The following DPP8 variants were observed in gnomAD, a reference collection of about 807,000 sequenced individuals.
DPP8 encodes the protein dipeptidyl peptidase 8.
DPP8 carries 31 observed loss-of-function variants against 107.5 expected under a neutral mutation model. The ratio of observed to expected loss-of-function variants is 0.29; its 90% CI spans 0.22 to 0.39. DPP8 has a LOEUF of 0.39. Among genes scored for constraint, DPP8 ranks in the 10% least tolerant of loss-of-function variants. The pLI is 1.00. For missense variants in DPP8, 842 were observed against 1,076.1 expected (o/e 0.78, Z 3.04); for synonymous variants, 381 against 356.6 (o/e 1.07, Z -0.77).
intron 2 of DPP8, 63 bp from the exon 3 acceptor site, chr15:65,507,418 T>C: frequency 1.9e-6 from 2 of 1,033,872 alleles, no homozygotes; most frequent in Non-Finnish European, 3.0e-6. Context: ...ACAGTCACAG[T>C]TGCAAGTACA....
intron 4 of DPP8, among the ~76,000 whole-genome samples, chr15:65,500,149 T>TGGCTC (rs1417695613): frequency 6.6e-6 from 1 of 152,092 alleles, no homozygotes; most frequent in Non-Finnish European, 1.5e-5. Context: ...CTGGGCGCGG[T>TGGCTC]GGCTCATGTC....
chr15:65,489,807 T>A (rs1013666651), intron 6 of DPP8, among the ~76,000 whole-genome samples: 1 of 152,172 alleles, frequency 6.6e-6, no homozygotes, highest in Non-Finnish European at 1.5e-5. Context: ...AACCTCTGTC[T>A]CCTGGGTTCA....
intron 11 of DPP8, among the ~76,000 whole-genome samples, chr15:65,478,371 G>T (rs554620238): frequency 6.6e-6 from 1 of 152,224 alleles, no homozygotes; most frequent in African/African-American, 2.4e-5. Context: ...TGATTTTCCT[G>T]CCTCAGCTTC....
At chr15:65,475,269 G>A (rs1595948674) in intron 11 of DPP8, 8 of 603,148 alleles carry the variant, frequency 1.3e-5, no homozygotes, top group Non-Finnish European at 3.0e-6. Context: ...AGAGAGGCTA[G>A]AGAGACCCAA....
intron 2 of DPP8, among the ~76,000 whole-genome samples, chr15:65,511,776 G>A (rs758327479): frequency 1.3e-5 from 2 of 149,850 alleles, no homozygotes; most frequent in Non-Finnish European, 3.0e-5. Context: ...TCACATAAAC[G>A]AATAAAATTT....
rs1008719377 is a variant in DPP8, at chr15:65,443,574, A to C, written c.*3310T>G. The C allele has an allele frequency of 6.6e-6, 1 of 152,204 alleles. No individual in the cohort carries two copies. Among genetic ancestry groups the C allele is most frequent in the African/African-American group, 2.4e-5 (1 of 41,450 alleles). 9.4% of individuals were successfully genotyped at this position (152,204 alleles called of 1,614,324 possible). The stretch of plus-strand genomic sequence containing the variant: ...ATGCATTGTGACCTAATCCTCTTGT[A>C]TGAGGCTTTGGAAAAGAACCAGGAA... On this transcript the variant is annotated 3_prime_UTR_variant, in exon 20 of 20. Transcript: ENST00000300141.
Position 65,474,268 on chromosome 15 carries a change from T to C in DPP8, c.1477A>G (p.Lys493Glu). 2 of 1,611,022 alleles carry C rather than the reference T, an allele frequency of 1.2e-6. No homozygotes were observed. The highest frequency in any genetic ancestry group is 1.7e-6 in the Non-Finnish European group (2 of 1,177,274). Residue 493 changes from lysine (K) to glutamate (E), a missense_variant, in exon 12 of 20, where the codon AAA becomes GAA. Lys to Glu is a moderately conservative substitution (Grantham distance 56, BLOSUM62 1). Coordinates refer to ENST00000300141, the MANE Select transcript of DPP8 (RefSeq NM_130434.5). The stretch of plus-strand genomic sequence containing the variant: ...CCACTGGTAATTGCTATCTCCTCTT[T>C]GATAGGACACTTGAAATCACCTGAA... ...PAPSDFKCPIKEEIAITSGEW... is the reference protein window; with the variant it reads ...PAPSDFKCPIEEEIAITSGEW...
Position 65,507,375 on chromosome 15 carries a change from TTTATTA to T in DPP8, c.260-26_260-21del, listed in dbSNP as rs747920023. The T allele has an allele frequency of 1.2e-3, 1,703 of 1,470,812 alleles. 2 individuals carry two copies. The highest frequency in any genetic ancestry group is 1.5e-3 in the Non-Finnish European group (1,554 of 1,058,940). 91.1% of individuals were successfully genotyped at this position (1,470,812 alleles called of 1,614,324 possible). On this transcript the variant is annotated intron_variant, in intron 2 of 19. Coordinates refer to ENST00000300141, the MANE Select transcript of DPP8 (RefSeq NM_130434.5). ...ACATGGCTATAGGAGAAAGCAATCA[TTTATTA>T]TTATTTTTTCGAATAGCATTCTTAC...
chr15:65,517,239 G>A (rs748617607), intron 1 of DPP8: 1 of 152,326 alleles, frequency 6.6e-6, no homozygotes, highest in Non-Finnish European at 1.5e-5. Flanking sequence ...CAGAGCTCAA[G>A]GGGCGCCCAG....
intron 9 of DPP8, among the ~76,000 whole-genome samples, 154 bp from the exon 10 acceptor site, chr15:65,480,553 A>C (rs2066829438): frequency 6.6e-6 from 1 of 152,254 alleles, no homozygotes; most frequent in East Asian, 1.9e-4. Flanking sequence ...CAAATAGTTA[A>C]TTAAAAATAC....
chr15:65,489,659 C>T (rs1246105990), intron 6 of DPP8, among the ~76,000 whole-genome samples: 2 of 150,310 alleles, frequency 1.3e-5, no homozygotes, highest in Admixed American at 6.7e-5. Context: ...ACCTCGTGAT[C>T]CACCTGCCTC....
intron 7 of DPP8, 73 bp downstream of exon 7, chr15:65,487,617 T>C (rs953064092): frequency 2.0e-6 from 3 of 1,470,188 alleles, no homozygotes; most frequent in Non-Finnish European, 2.8e-6. Flanking sequence ...GGCTACACCT[T>C]TGGATGACTA....
In DPP8 at chr15:65,507,094, T is replaced by C. The variant is rs1291176843; in HGVS notation, c.372+149A>G. ...TCAGTTTCAGATATCAAGAATTAAA[T>C]GGAATTTCAGGGTCATACATGCAAA... On this transcript the variant is annotated intron_variant, in intron 3 of 19. Coordinates refer to ENST00000300141, the MANE Select transcript of DPP8 (RefSeq NM_130434.5). 9.3e-5 allele frequency: 42 copies of C among 449,290 alleles called. No homozygotes were observed. In the East Asian group the frequency reaches 1.5e-3, roughly 16 times the overall value. The allele number at this position is 449,290 out of a possible 1,614,324, so 27.8% of individuals were successfully genotyped here.
chr15:65,475,761 T>C (rs1216299092), intron 11 of DPP8: 2 of 457,976 alleles, frequency 4.4e-6, no homozygotes, highest in Admixed American at 6.6e-5. Context: ...TGTTTTGTTT[T>C]TGTTTTTTTC....
intron 15 of DPP8, among the ~76,000 whole-genome samples, chr15:65,457,842 G>A (rs1187983671): frequency 6.6e-6 from 1 of 152,064 alleles, no homozygotes; most frequent in African/African-American, 2.4e-5. Flanking sequence ...ACCCCAGGCT[G>A]GAGTGTGGTG....
chr15:65,487,917 A>G (rs2067598359), intron 6 of DPP8, 99 bp from the exon 7 acceptor site: 1 of 807,916 alleles, frequency 1.2e-6, no homozygotes, highest in East Asian at 2.6e-5. Context: ...ATAGTGAAGA[A>G]TAACTTATGT....
intron 12 of DPP8, among the ~76,000 whole-genome samples, chr15:65,471,948 G>T (rs1362897745): frequency 6.6e-6 from 1 of 152,052 alleles, no homozygotes; most frequent in East Asian, 1.9e-4. Flanking sequence ...ATTTAGTTAG[G>T]CCTTCACTAA....
intron 1 of DPP8, chr15:65,516,021 C>CA: frequency 2.5e-6 from 1 of 405,462 alleles, no homozygotes; most frequent in Admixed American, 4.4e-5. Flanking sequence ...AATATCCTAA[C>CA]ATAGCAAACT....
intron 5 of DPP8, among the ~76,000 whole-genome samples, chr15:65,497,588 A>G (rs900154826): frequency 8.5e-5 from 13 of 152,160 alleles, no homozygotes; most frequent in African/African-American, 3.1e-4. Flanking sequence ...GTTTTGGGAA[A>G]ATTCTGGCAG....
Sources: allele counts gnomAD v4.1 joint callset (sites outside exome capture counted in the v4.1 genomes callset), GRCh38; gene constraint gnomAD v4.1.1; transcripts MANE v1.5; gene names NCBI Gene and HGNC (gene_info 2026-07-23, HGNC 2026-07-21).